Variants in SLC25A31 observed in about 807,000 individuals in gnomAD.
SLC25A31 encodes ADP/ATP translocase 4.
In SLC25A31, 40 loss-of-function variants were observed where a neutral mutation model predicts 36.2. That is an observed-to-expected ratio of 1.10 (90% CI 0.86 to 1.44). The LOEUF is 1.44. SLC25A31 is among the 40% of genes most tolerant of loss of function. The probability of loss-of-function intolerance (pLI) is 0.00; values close to 1 mark genes in which losing one functional copy is unlikely to be tolerated. For synonymous variants in SLC25A31, 143 were observed against 149.7 expected, an observed-to-expected ratio of 0.96 and a Z score of 0.32; for missense variants, 350 against 397.1, an observed-to-expected ratio of 0.88 and a Z score of 1.01.
Position 127,744,808 on chromosome 4 carries a change from ATT to A in SLC25A31, c.360+18_360+19del. On this transcript the variant is annotated intron_variant, in intron 2 of 5. Coordinates refer to ENST00000281154, the MANE Select transcript of SLC25A31 (RefSeq NM_031291.4). ...TTAATAAAGAAAAACAGGTAATTAT[ATT>A]TTTTTTTTACTTTTTTCTTCCAATA... The A allele has an allele frequency of 8.0e-6, 10 of 1,251,368 alleles. No homozygotes were observed. Among genetic ancestry groups the A allele is most frequent in the Admixed American group, 2.6e-5 (1 of 39,022 alleles). The allele number at this position is 1,251,368 out of a possible 1,614,324, so 77.5% of individuals were successfully genotyped here. A position where few individuals can be genotyped will look rare whatever the true frequency, so the allele number is the denominator to read the frequency against.
intron 1 of SLC25A31, among the ~76,000 whole-genome samples, chr4:127,740,545 G>T (rs532061771): frequency 6.6e-6 from 1 of 152,218 alleles, no homozygotes; most frequent in African/African-American, 2.4e-5. Context: ...GAAAGGATGC[G>T]CCAGGCTGAT....
chr4:127,749,139 A>T (rs1018823225), intron 2 of SLC25A31, among the ~76,000 whole-genome samples: 6 of 152,094 alleles, frequency 3.9e-5, no homozygotes, highest in Non-Finnish European at 7.4e-5. Context: ...CAGAACTGAA[A>T]AAGCTCAGTA....
In SLC25A31 at chr4:127,767,176, A is replaced by G. The variant is rs1274226449; in HGVS notation, c.589A>G (p.Ile197Val). ...QGFGVSVQGI[I>V]VYRASYFGAY... is the part of the protein sequence containing the mutation. ...GTTTGGTGTTTCAGTACAGGGCATC[A>G]TTGTGTACCGAGCCTCTTATTTTGG... Residue 197 changes from isoleucine to valine, a missense_variant, in exon 4 of 6, where the codon ATT (isoleucine) becomes GTT (valine). Ile to Val is a conservative substitution (Grantham distance 29). Transcript: ENST00000281154. 6.2e-7 allele frequency: 1 copy of G among 1,612,032 alleles called. No individual in the cohort carries two copies. Among genetic ancestry groups the G allele is most frequent in the Non-Finnish European group, 8.5e-7 (1 of 1,178,994 alleles).
At chr4:127,749,573 A>C (rs980726996) in intron 2 of SLC25A31, among the ~76,000 whole-genome samples, 7 of 152,000 alleles carry the variant, frequency 4.6e-5, no homozygotes, top group Non-Finnish European at 2.9e-5. Context: ...GTGAAACTTT[A>C]TCTCTACTAA....
intron 2 of SLC25A31, among the ~76,000 whole-genome samples, chr4:127,750,875 C>G (rs1731918396): frequency 6.6e-6 from 1 of 151,872 alleles, no homozygotes. Context: ...AAACAGTTAA[C>G]AAAATGGCAA....
chr4:127,768,669 A>G (rs1212230464), intron 4 of SLC25A31, 83 bp from the exon 5 acceptor site: 9 of 1,218,036 alleles, frequency 7.4e-6, no homozygotes, highest in Non-Finnish European at 8.8e-6. Context: ...TCTTTCATAT[A>G]TTTATAAAAA....
chr4:127,730,978 C>G (rs1024634895), intron 1 of SLC25A31, among the ~76,000 whole-genome samples: 1 of 152,198 alleles, frequency 6.6e-6, no homozygotes, highest in African/African-American at 2.4e-5. Context: ...TTGGTCCTGA[C>G]CAAGTCCTGG....
intron 5 of SLC25A31, among the ~76,000 whole-genome samples, chr4:127,770,012 C>T (rs1305855594): frequency 6.6e-6 from 1 of 152,166 alleles, no homozygotes; most frequent in Non-Finnish European, 1.5e-5. Flanking sequence ...ATTAAATTCT[C>T]AAAACACTGA....
At chr4:127,741,598 T>C (rs1407548596) in intron 1 of SLC25A31, among the ~76,000 whole-genome samples, 1 of 152,200 alleles carries the variant, frequency 6.6e-6, no homozygotes, top group Non-Finnish European at 1.5e-5. Context: ...CCTTTTATCA[T>C]TATATTGAAT....
At chr4:127,732,422 T>G (rs963757657) in intron 1 of SLC25A31, among the ~76,000 whole-genome samples, 4 of 152,194 alleles carry the variant, frequency 2.6e-5, no homozygotes, top group Non-Finnish European at 5.9e-5. Context: ...TAAAGCAAGC[T>G]TCTCATTTCC....
At chr4:127,733,490 T>G (rs1578653332) in intron 1 of SLC25A31, among the ~76,000 whole-genome samples, 1 of 152,224 alleles carries the variant, frequency 6.6e-6, no homozygotes, top group African/African-American at 2.4e-5. Flanking sequence ...TCTGTATTTG[T>G]AGCTATTGAA....
chr4:127,767,126 A>T lies in SLC25A31; in HGVS notation c.539A>T (p.Asp180Val). 1.2e-6 allele frequency: 2 copies of T among 1,613,778 alleles called. No homozygotes were observed. Among genetic ancestry groups the T allele is most frequent in the South Asian group, 2.2e-5 (2 of 91,050 alleles). The change falls in exon 4 of 6, where the codon GAT (aspartate) becomes GTT (valine). Residue 180 changes from aspartate to valine, a missense_variant. Asp to Val is a radical substitution (Grantham distance 152). Transcript: ENST00000281154. ...GDCIMKIAKS[D>V]GIAGLYQGFG... ...TGTATTATGAAAATAGCAAAATCAGATGGAATTGCTGGTTTATACCAAGGG... is the reference window on the plus strand; with the variant it reads ...TGTATTATGAAAATAGCAAAATCAGTTGGAATTGCTGGTTTATACCAAGGG...
At chr4:127,769,136 G>A (rs566674400) in intron 5 of SLC25A31, among the ~76,000 whole-genome samples, 1 of 152,242 alleles carries the variant, frequency 6.6e-6, no homozygotes, top group Non-Finnish European at 1.5e-5. Context: ...AAGGTAGAGG[G>A]TTATGGCAGA....
chr4:127,767,018 T>G (rs1732256785), intron 3 of SLC25A31, 48 bp from the exon 4 acceptor site: 1 of 1,477,222 alleles, frequency 6.8e-7, no homozygotes, highest in Non-Finnish European at 9.1e-7. Flanking sequence ...TTAAAGTGTT[T>G]ATTGGATATA....
At chr4:127,764,442 A>C in intron 3 of SLC25A31, 82 bp downstream of exon 3, 1 of 1,166,794 alleles carries the variant, frequency 8.6e-7, no homozygotes, top group Non-Finnish European at 1.3e-6. Context: ...TTGTGCTATA[A>C]TAGTGTTACC....
intron 3 of SLC25A31, 87 bp from the exon 4 acceptor site, chr4:127,766,979 T>C: frequency 3.5e-6 from 4 of 1,145,672 alleles, no homozygotes; most frequent in Non-Finnish European, 4.6e-6. Context: ...GAATTTCAGA[T>C]CATTTAGATC....
intron 2 of SLC25A31, among the ~76,000 whole-genome samples, chr4:127,763,943 A>G (rs1422810276): frequency 2.6e-5 from 4 of 152,180 alleles, no homozygotes; most frequent in African/African-American, 9.7e-5. Flanking sequence ...CAGCGTAAAG[A>G]GATGATTATG....
Position 127,773,633 on chromosome 4 carries a change from G to T in SLC25A31, c.*59G>T. ...ACTTGTTAAACATACAAATTACATAGCTGCCATTTGCATACATTTTGATAG... is the reference window on the plus strand; with the variant it reads ...ACTTGTTAAACATACAAATTACATATCTGCCATTTGCATACATTTTGATAG... On this transcript the variant is annotated 3_prime_UTR_variant, in exon 6 of 6. Transcript: ENST00000281154. The T allele has an allele frequency of 1.5e-6, 2 of 1,317,820 alleles. No homozygotes were observed. The allele number at this position is 1,317,820 out of a possible 1,614,324, so 81.6% of individuals were successfully genotyped here. A position where few individuals can be genotyped will look rare whatever the true frequency, so the allele number is the denominator to read the frequency against.
chr4:127,756,613 A>G (rs1732035438), intron 2 of SLC25A31, among the ~76,000 whole-genome samples: 2 of 152,196 alleles, frequency 1.3e-5, no homozygotes, highest in Non-Finnish European at 1.5e-5. Context: ...TAAGTATGTG[A>G]TATATATGTT....
Sources: gnomAD v4.1 joint callset for allele counts (sites outside exome capture counted in the v4.1 genomes callset) on GRCh38, gnomAD v4.1.1 for gene constraint, MANE v1.5 for transcripts, NCBI Gene and HGNC (gene_info 2026-07-23, HGNC 2026-07-21) for gene names.